Variants in COL22A1 observed in about 807,000 individuals in gnomAD.
The protein encoded by COL22A1 is collagen type XXII alpha 1 chain, also known as collagen alpha-1(XXII) chain.
In COL22A1, 221 loss-of-function variants were observed where a neutral mutation model predicts 248.9. That is an observed-to-expected ratio of 0.89 (90% CI 0.80 to 0.99). The LOEUF (loss-of-function observed/expected upper bound fraction) is 0.99, where lower values mean the gene tolerates loss of function less well. Ranked by LOEUF, COL22A1 falls within the 50% of genes least tolerant of loss-of-function variation. COL22A1 has a pLI of 0.00. For missense variants in COL22A1, 2,240 were observed against 2,179.0 expected (o/e 1.03, Z -0.56); for synonymous variants, 891 against 793.4 (o/e 1.12, Z -2.07).
intron 47 of COL22A1, 116 bp downstream of exon 47, chr8:138,646,513 G>T: frequency 1.4e-6 from 1 of 722,780 alleles, no homozygotes; most frequent in Non-Finnish European, 2.1e-6. Flanking sequence ...CCAGAACAGG[G>T]GTTTTCTGAT....
intron 12 of COL22A1, among the ~76,000 whole-genome samples, chr8:138,790,881 AAGAGTT>A (rs34394831): frequency 0.29 from 44,747 of 151,708 alleles, 7,080 homozygotes; most frequent in African/African-American, 0.41. Flanking sequence ...ATTTACTCTT[AAGAGTT>A]AATCATTCTC....
chr8:138,651,173 C>G (rs577383325), intron 45 of COL22A1, among the ~76,000 whole-genome samples: 1 of 152,288 alleles, frequency 6.6e-6, no homozygotes, highest in East Asian at 1.9e-4. Flanking sequence ...AAGAAGACTT[C>G]CTGATTGCCT....
Position 138,589,297 on chromosome 8 carries a change from A to G in COL22A1, c.4837T>C (p.Phe1613Leu), listed in dbSNP as rs1816836667. ...GQCDPSQCAY[F>L]ASLAARPGNV... ...CCCGGCCGGGCAGCAAGGCTGGCGA[A>G]GTAGGCACACTGGGAAGGGTCACAT... The change falls in exon 65 of 65, where the codon TTC becomes CTC. Residue 1613 changes from phenylalanine to leucine, a missense_variant. Physicochemically the swap from Phe to Leu is conservative, Grantham distance 22. Transcript: ENST00000303045. The G allele has an allele frequency of 6.2e-7, 1 of 1,613,854 alleles. No individual in the cohort carries two copies. The highest frequency in any genetic ancestry group is 8.5e-7 in the Non-Finnish European group (1 of 1,179,914).
chr8:138,891,123 A>G (rs934287409), intron 1 of COL22A1, among the ~76,000 whole-genome samples: 2 of 152,350 alleles, frequency 1.3e-5, no homozygotes, highest in East Asian at 1.9e-4. Flanking sequence ...CAAAAAGGAT[A>G]AAATGTTAGG....
intron 7 of COL22A1, among the ~76,000 whole-genome samples, chr8:138,813,826 T>C (rs1818458529): frequency 6.6e-6 from 1 of 151,938 alleles, no homozygotes; most frequent in Non-Finnish European, 1.5e-5. Context: ...CAGCACTGCA[T>C]TGAACAAGAT....
At chr8:138,665,377 G>C (rs756144468) in intron 41 of COL22A1, among the ~76,000 whole-genome samples, 1 of 152,186 alleles carries the variant, frequency 6.6e-6, no homozygotes, top group Non-Finnish European at 1.5e-5. Context: ...TTCTGTAAAG[G>C]GACAGATAGT....
chr8:138,664,209 GCACACACACACACACACACACACACA>G (rs1173353118), intron 41 of COL22A1, among the ~76,000 whole-genome samples: 76 of 103,204 alleles, frequency 7.4e-4, no homozygotes, highest in African/African-American at 2.9e-3. Context: ...GCGCGCGCGC[GCACACACACACACACACACACACACA>G]CACACACACA....
chr8:138,700,276 T>C (rs1308947575), intron 31 of COL22A1, 132 bp from the exon 32 acceptor site: 2 of 796,894 alleles, frequency 2.5e-6, no homozygotes, highest in East Asian at 5.4e-5. Flanking sequence ...ATTATTAGTT[T>C]TGACAATTAG....
intron 22 of COL22A1, among the ~76,000 whole-genome samples, chr8:138,741,024 C>T (rs1831515272): frequency 6.6e-6 from 1 of 152,192 alleles, no homozygotes; most frequent in Admixed American, 6.5e-5. Context: ...GGGGTTCTAA[C>T]CTACCTTTTC....
intron 37 of COL22A1, among the ~76,000 whole-genome samples, chr8:138,686,351 T>C (rs756491133): frequency 2.0e-5 from 3 of 152,148 alleles, no homozygotes; most frequent in Non-Finnish European, 2.9e-5. Flanking sequence ...GAACACTGGG[T>C]TGAGCCCCGC....
intron 7 of COL22A1, among the ~76,000 whole-genome samples, chr8:138,818,714 T>G (rs1436834993): frequency 1.3e-5 from 2 of 152,220 alleles, no homozygotes; most frequent in Non-Finnish European, 2.9e-5. Context: ...AAGGAGCACT[T>G]TAGTGCAATG....
chr8:138,609,669 A>G (rs1213378916), intron 56 of COL22A1, among the ~76,000 whole-genome samples: 2 of 152,210 alleles, frequency 1.3e-5, no homozygotes, highest in African/African-American at 2.4e-5. Flanking sequence ...CCCTATGGAA[A>G]TTCTAGCCCT....
chr8:138,882,647 C>T (rs112684823), intron 2 of COL22A1, among the ~76,000 whole-genome samples: 1,660 of 151,516 alleles, frequency 0.011, 25 homozygotes, highest in African/African-American at 0.038. Flanking sequence ...CACTCTCACA[C>T]TCCCTCACAC....
At chr8:138,724,307 C>T (rs572686634) in intron 25 of COL22A1, among the ~76,000 whole-genome samples, 1 of 152,310 alleles carries the variant, frequency 6.6e-6, no homozygotes, top group Admixed American at 6.5e-5. Context: ...AGCGGTCATG[C>T]CTTCAGCAGC....
chr8:138,793,329 TGGA>T lies in COL22A1; in HGVS notation c.1596+3487_1596+3489del, dbSNP rs1369772052. 4.6e-5 allele frequency among the ~76,000 whole-genome samples: 7 copies of T among 152,312 alleles called. No individual in the cohort carries two copies. In the East Asian group the frequency reaches 7.8e-4, roughly 17 times the overall value. On this transcript the variant is annotated intron_variant, in intron 12 of 64. Transcript: ENST00000303045. Reference sequence around the variant, plus strand: ...CGGCCCACTCTGGTCTCCTCATTTCTGGAGGAGAAGTAGAGACTTCAAGTTACA... The same window carrying T: ...CGGCCCACTCTGGTCTCCTCATTTCTGGAGAAGTAGAGACTTCAAGTTACA...
intron 1 of COL22A1, among the ~76,000 whole-genome samples, chr8:138,883,612 G>C (rs1052296279): frequency 1.3e-5 from 2 of 152,174 alleles, no homozygotes; most frequent in Non-Finnish European, 2.9e-5. Context: ...CTGGTCGGAG[G>C]TGATTGGATC....
intron 4 of COL22A1, among the ~76,000 whole-genome samples, chr8:138,833,456 C>T (rs1012609521): frequency 9.9e-5 from 15 of 152,254 alleles, no homozygotes; most frequent in Middle Eastern, 3.4e-3. Context: ...GTGTGAGGGC[C>T]GCAGGGTCTT....
Position 138,655,781 on chromosome 8 carries a change from T to C in COL22A1, c.3333+116A>G, listed in dbSNP as rs117016826. Reference sequence around the variant, plus strand: ...CTGAGTTGTCAACTAATGGCGCTGCTGTTATCGTTAATACTACCAAATAGT... The same window carrying C: ...CTGAGTTGTCAACTAATGGCGCTGCCGTTATCGTTAATACTACCAAATAGT... On this transcript the variant is annotated intron_variant, in intron 45 of 64. Transcript: ENST00000303045. The C allele has an allele frequency of 4.7e-3, 3,998 of 859,582 alleles. 17 individuals are homozygous for C. The highest frequency in any genetic ancestry group is 6.4e-3 in the Non-Finnish European group (3,251 of 504,544). 53.2% of individuals were successfully genotyped at this position (859,582 alleles called of 1,614,324 possible). A position where few individuals can be genotyped will look rare whatever the true frequency, so the allele number is the denominator to read the frequency against.
At chr8:138,883,363 C>G in intron 1 of COL22A1, 119 bp from the exon 2 acceptor site, 1 of 598,618 alleles carries the variant, frequency 1.7e-6, no homozygotes, top group Non-Finnish European at 2.9e-6. Context: ...TCTTCCCTCC[C>G]GGATTCAACT....
Sources: gnomAD v4.1 joint callset for allele counts (sites outside exome capture counted in the v4.1 genomes callset) on GRCh38, gnomAD v4.1.1 for gene constraint, MANE v1.5 for transcripts, NCBI Gene and HGNC (gene_info 2026-07-23, HGNC 2026-07-21) for gene names.